Variants in SCAPER observed in about 807,000 individuals in gnomAD.
The protein encoded by SCAPER is S-phase cyclin A associated protein in the ER, also known as S phase cyclin A-associated protein in the endoplasmic reticulum.
SCAPER carries 98 observed loss-of-function variants against 182.2 expected under a neutral mutation model. The ratio of observed to expected loss-of-function variants is 0.54; its 90% CI spans 0.46 to 0.64. The LOEUF (loss-of-function observed/expected upper bound fraction) is 0.64, where lower values mean the gene tolerates loss of function less well. SCAPER is among the 30% of genes least tolerant of loss of function. The probability of loss-of-function intolerance (pLI) is 0.00; values close to 1 mark genes in which losing one functional copy is unlikely to be tolerated. For missense variants in SCAPER, 1,432 were observed against 1,690.0 expected (o/e 0.85, Z 2.68); for synonymous variants, 605 against 564.6 (o/e 1.07, Z -1.01).
intron 15 of SCAPER, among the ~76,000 whole-genome samples, chr15:76,749,636 CA>C (rs1415121961): frequency 6.6e-6 from 1 of 151,890 alleles, no homozygotes; most frequent in Non-Finnish European, 1.5e-5. Flanking sequence ...TAGCAATCAA[CA>C]GAAAAAAATT....
rs527238974 is a variant in SCAPER, at chr15:76,895,976, C to T, written c.-60+9323G>A. On this transcript the variant is annotated intron_variant, in intron 1 of 31. Coordinates refer to ENST00000563290, the MANE Select transcript of SCAPER (RefSeq NM_020843.4). Reference sequence around the variant, plus strand: ...AATGGTGTGAACCCGGGAGGCAGAGCTTGCAGTGAGCTGAGATTGCACCAC... The same window carrying T: ...AATGGTGTGAACCCGGGAGGCAGAGTTTGCAGTGAGCTGAGATTGCACCAC... Among the ~76,000 whole-genome samples the T allele has an allele frequency of 1.4e-4, 21 of 151,386 alleles. No homozygotes were observed. The South Asian group carries it at 3.1e-3, about 23-fold the overall frequency.
At chr15:76,872,051 T>C (rs1208415618) in intron 2 of SCAPER, among the ~76,000 whole-genome samples, 1 of 151,222 alleles carries the variant, frequency 6.6e-6, no homozygotes, top group East Asian at 1.9e-4. Flanking sequence ...AGAAATAAAA[T>C]ATTACTGAGG....
intron 5 of SCAPER, among the ~76,000 whole-genome samples, chr15:76,810,936 G>A (rs974716314): frequency 4.6e-5 from 7 of 151,824 alleles, no homozygotes; most frequent in Admixed American, 3.9e-4. Flanking sequence ...GAGAAATGAA[G>A]GTCCTTACGT....
intron 5 of SCAPER, among the ~76,000 whole-genome samples, chr15:76,805,944 T>C (rs1344769590): frequency 6.6e-6 from 1 of 152,222 alleles, no homozygotes; most frequent in African/African-American, 2.4e-5. Context: ...CTTTTTATTG[T>C]TGAGCTATAA....
chr15:76,838,476 C>T (rs2151756359), intron 5 of SCAPER, among the ~76,000 whole-genome samples: 1 of 152,262 alleles, frequency 6.6e-6, no homozygotes, highest in East Asian at 1.9e-4. Flanking sequence ...TTCATCTATG[C>T]CTATGCTCCT....
At chr15:76,615,011 AC>A (rs2051322071) in intron 22 of SCAPER, among the ~76,000 whole-genome samples, 1 of 152,240 alleles carries the variant, frequency 6.6e-6, no homozygotes, top group African/African-American at 2.4e-5. Context: ...AAATTGGATA[AC>A]CTACACAAAA....
intron 23 of SCAPER, among the ~76,000 whole-genome samples, chr15:76,529,836 G>A (rs1284364735): frequency 1.3e-5 from 2 of 152,182 alleles, no homozygotes; most frequent in African/African-American, 4.8e-5. Context: ...CTTTCTAGGT[G>A]ATTGTAAGTA....
At chr15:76,695,726 T>G (rs2058623707) in intron 20 of SCAPER, among the ~76,000 whole-genome samples, 1 of 152,166 alleles carries the variant, frequency 6.6e-6, no homozygotes, top group South Asian at 2.1e-4. Context: ...TAGAGCCACA[T>G]ATTCTCTGCA....
intron 24 of SCAPER, among the ~76,000 whole-genome samples, chr15:76,497,672 CCAAATGAGT>C (rs991646729): frequency 1.3e-5 from 2 of 151,834 alleles, no homozygotes; most frequent in African/African-American, 4.8e-5. Context: ...AAGAGAACAG[CCAAATGAGT>C]CAAGAGACTG....
At chr15:76,395,767 C>T (rs1457477662) in intron 27 of SCAPER, among the ~76,000 whole-genome samples, 1 of 152,114 alleles carries the variant, frequency 6.6e-6, no homozygotes, top group Non-Finnish European at 1.5e-5. Flanking sequence ...CAGATGGGTA[C>T]TTTGCAAATA....
intron 22 of SCAPER, among the ~76,000 whole-genome samples, chr15:76,606,030 C>T (rs1373763539): frequency 1.3e-5 from 2 of 152,134 alleles, no homozygotes; most frequent in Non-Finnish European, 2.9e-5. Flanking sequence ...TTCAGTTCTG[C>T]AATGATCTTA....
chr15:76,373,577 ACTGT>A (rs975037741), intron 29 of SCAPER, among the ~76,000 whole-genome samples: 8 of 152,166 alleles, frequency 5.3e-5, no homozygotes, highest in Non-Finnish European at 7.3e-5. Context: ...AGGGAAGGAC[ACTGT>A]CTGTGCTGTA....
chr15:76,701,601 A>G (rs2058954311), intron 20 of SCAPER, among the ~76,000 whole-genome samples, 157 bp downstream of exon 20: 1 of 152,220 alleles, frequency 6.6e-6, no homozygotes, highest in Admixed American at 6.5e-5. Flanking sequence ...ACACTAAAAT[A>G]ATGACACATT....
chr15:76,588,204 G>A (rs914574315), intron 22 of SCAPER, among the ~76,000 whole-genome samples: 5 of 152,178 alleles, frequency 3.3e-5, no homozygotes, highest in African/African-American at 4.8e-5. Context: ...TTACAGGCGT[G>A]AGCCACCGCG....
chr15:76,592,519 T>C lies in SCAPER; in HGVS notation c.2712-18235A>G, dbSNP rs766776043. Among the ~76,000 whole-genome samples, 5 of 122,536 alleles carry C rather than the reference T, an allele frequency of 4.1e-5. 1 individual carries two copies. The highest frequency in any genetic ancestry group is 8.0e-5 in the Non-Finnish European group (4 of 50,282). 80.4% of individuals were successfully genotyped at this position (122,536 alleles called of 152,430 possible). The stretch of plus-strand genomic sequence containing the variant: ...AACCTGGTCCTTTCTAAAAAAATGT[T>C]TGGTGGCTGGCAAGATGGCCAAAAG... On this transcript the variant is annotated intron_variant, in intron 22 of 31. Transcript: ENST00000563290.
chr15:76,736,029 C>T (rs903794339), intron 15 of SCAPER, among the ~76,000 whole-genome samples: 2 of 152,230 alleles, frequency 1.3e-5, no homozygotes, highest in Non-Finnish European at 2.9e-5. Flanking sequence ...CATGTACAGG[C>T]ATACCTCAAA....
chr15:76,422,367 C>T (rs183788606), intron 26 of SCAPER, among the ~76,000 whole-genome samples: 37 of 152,156 alleles, frequency 2.4e-4, no homozygotes, highest in African/African-American at 8.4e-4. Context: ...AGGTATTTTA[C>T]TCTCTTTGAA....
chr15:76,665,388 T>C (rs1449102383), intron 21 of SCAPER, among the ~76,000 whole-genome samples: 2 of 152,192 alleles, frequency 1.3e-5, no homozygotes, highest in Non-Finnish European at 2.9e-5. Context: ...AAACATACTA[T>C]TGTATGCTGG....
At chr15:76,577,016 T>C (rs2047878550) in intron 22 of SCAPER, 1 of 152,086 alleles carries the variant, frequency 6.6e-6, no homozygotes, top group African/African-American at 2.4e-5. Flanking sequence ...GCCAGTGAAC[T>C]TGGGAAGAAT....
Sources: gnomAD v4.1 joint callset for allele counts (sites outside exome capture counted in the v4.1 genomes callset) on GRCh38, gnomAD v4.1.1 for gene constraint, MANE v1.5 for transcripts, NCBI Gene and HGNC (gene_info 2026-07-23, HGNC 2026-07-21) for gene names.